CSMD1: variants seen among roughly 807,000 people sequenced by gnomAD.
The protein encoded by CSMD1 is CUB and Sushi multiple domains 1, also known as CUB and sushi domain-containing protein 1.
Under a neutral mutation model 417.5 loss-of-function variants are expected in CSMD1, and 213 were observed. The observed-to-expected ratio is 0.51, with a 90% CI of 0.46 to 0.57. The LOEUF (loss-of-function observed/expected upper bound fraction) is 0.57. CSMD1 is among the 20% of genes least tolerant of loss of function. CSMD1 has a pLI of 0.00. For synonymous variants in CSMD1, 2,862 were observed against 1,736.8 expected (o/e 1.65, Z -16.11); for missense variants, 6,923 against 4,529.7 (o/e 1.53, Z -15.17).
At chr8:4,861,322 C>CA (rs1200001338) in intron 1 of CSMD1, among the ~76,000 whole-genome samples, 2 of 152,084 alleles carry the variant, frequency 1.3e-5, no homozygotes, top group Non-Finnish European at 2.9e-5. Context: ...CCATATCAAA[C>CA]AAAAATGTGA....
intron 1 of CSMD1, among the ~76,000 whole-genome samples, chr8:4,662,759 G>T (rs759935234): frequency 6.6e-6 from 1 of 152,160 alleles, no homozygotes; most frequent in African/African-American, 2.4e-5. Context: ...CGTTCCTATG[G>T]ATGATGCTCA....
intron 3 of CSMD1, among the ~76,000 whole-genome samples, chr8:4,231,630 C>T (rs570754619): frequency 2.0e-5 from 3 of 152,292 alleles, no homozygotes; most frequent in Admixed American, 6.5e-5. Flanking sequence ...CAGATATCTT[C>T]TTTACTGCAG....
At chr8:3,302,719 C>G (rs1179104187) in intron 25 of CSMD1, among the ~76,000 whole-genome samples, 1 of 152,124 alleles carries the variant, frequency 6.6e-6, no homozygotes, top group Non-Finnish European at 1.5e-5. Flanking sequence ...GATGATGTGC[C>G]TCGTTATCCA....
intron 1 of CSMD1, among the ~76,000 whole-genome samples, chr8:4,695,140 A>ATACTCAT (rs2116785210): frequency 6.6e-6 from 1 of 152,206 alleles, no homozygotes; most frequent in Non-Finnish European, 1.5e-5. Context: ...GACTTATCAA[A>ATACTCAT]TACTCATTTT....
intron 4 of CSMD1, among the ~76,000 whole-genome samples, chr8:4,010,009 A>T (rs924010191): frequency 1.3e-5 from 2 of 152,054 alleles, no homozygotes; most frequent in African/African-American, 4.8e-5. Flanking sequence ...AATTCTTCCT[A>T]TGCTCCTGAA....
Position 2,998,168 on chromosome 8 carries a change from G to T in CSMD1, c.8220C>A (p.His2740Gln). Residue 2740 changes from histidine to glutamine, a missense_variant, in exon 54 of 70, where the codon CAC becomes CAA. Coordinates refer to ENST00000635120, the MANE Select transcript of CSMD1 (RefSeq NM_033225.6). ...TGAATCCGTGGGCAGGGTTTCCAGGGTGACCACATGTGATGGCTGTAGAGA... is the reference window on the plus strand; with the variant it reads ...TGAATCCGTGGGCAGGGTTTCCAGGTTGACCACATGTGATGGCTGTAGAGA... ...TPVCVPITCG[H>Q]PGNPAHGFTN... 1 of 1,613,924 alleles carries T rather than the reference G, an allele frequency of 6.2e-7. No homozygotes were observed. The highest frequency in any genetic ancestry group is 8.5e-7 in the Non-Finnish European group (1 of 1,179,844).
At chr8:3,939,205 A>C (rs1300581877) in intron 5 of CSMD1, among the ~76,000 whole-genome samples, 1 of 152,158 alleles carries the variant, frequency 6.6e-6, no homozygotes, top group Non-Finnish European at 1.5e-5. Flanking sequence ...CCCAACACAA[A>C]AGTAATTCAT....
chr8:3,757,612 C>T (rs1333058243), intron 5 of CSMD1, among the ~76,000 whole-genome samples: 2 of 152,072 alleles, frequency 1.3e-5, no homozygotes, highest in Non-Finnish European at 1.5e-5. Context: ...CCTGTAATCC[C>T]AGCACTTTGG....
At chr8:4,053,085 G>C (rs117647252) in intron 3 of CSMD1, among the ~76,000 whole-genome samples, 4 of 152,236 alleles carry the variant, frequency 2.6e-5, no homozygotes, top group Admixed American at 6.5e-5. Flanking sequence ...AGGATGATTG[G>C]AATAAGAAGG....
At chr8:3,258,715 G>A (rs566824352) in intron 26 of CSMD1, among the ~76,000 whole-genome samples, 2 of 152,264 alleles carry the variant, frequency 1.3e-5, no homozygotes, top group South Asian at 4.1e-4. Flanking sequence ...TGATAGACTG[G>A]ATAAAGAAAA....
intron 5 of CSMD1, among the ~76,000 whole-genome samples, chr8:3,948,195 C>A (rs1337982884): frequency 6.6e-6 from 1 of 152,058 alleles, no homozygotes; most frequent in East Asian, 1.9e-4. Flanking sequence ...CAGACCAAGA[C>A]TCCGTCTAAA....
intron 1 of CSMD1, among the ~76,000 whole-genome samples, chr8:4,915,732 G>C (rs1806020874): frequency 6.6e-6 from 1 of 152,234 alleles, no homozygotes; most frequent in Non-Finnish European, 1.5e-5. Flanking sequence ...CGGGTTTGGA[G>C]ACAGACATCC....
chr8:3,621,239 C>G (rs992964190), intron 7 of CSMD1, among the ~76,000 whole-genome samples: 3 of 152,032 alleles, frequency 2.0e-5, no homozygotes, highest in East Asian at 1.9e-4. Flanking sequence ...TGGCAGCCCT[C>G]GAAAATGAAT....
At chr8:3,005,097 C>G (rs1262180296) in intron 52 of CSMD1, among the ~76,000 whole-genome samples, 1 of 152,166 alleles carries the variant, frequency 6.6e-6, no homozygotes, top group Non-Finnish European at 1.5e-5. Flanking sequence ...CGAGATTGCA[C>G]CACTGCACTC....
intron 12 of CSMD1, among the ~76,000 whole-genome samples, chr8:3,410,167 C>A (rs537840363): frequency 9.9e-5 from 15 of 152,164 alleles, no homozygotes; most frequent in African/African-American, 3.6e-4. Context: ...ATAACATATG[C>A]GTCCAAATAC....
intron 28 of CSMD1, 65 bp downstream of exon 28, chr8:3,223,664 G>A: frequency 6.5e-7 from 1 of 1,542,450 alleles, no homozygotes; most frequent in Non-Finnish European, 8.9e-7. Flanking sequence ...GGTCATAAAA[G>A]AAGTAATTTT....
intron 4 of CSMD1, among the ~76,000 whole-genome samples, chr8:4,025,110 C>T (rs2912268): frequency 0.21 from 31,724 of 152,080 alleles, 4,158 homozygotes; most frequent in South Asian, 0.32. Context: ...AAGGGGACAC[C>T]GAAGGGGCTG....
intron 3 of CSMD1, among the ~76,000 whole-genome samples, chr8:4,328,912 G>A (rs763895992): frequency 4.6e-5 from 7 of 152,306 alleles, no homozygotes; most frequent in Middle Eastern, 6.8e-3. Flanking sequence ...TATTGGTAGT[G>A]TGTTGTTTGC....
chr8:4,098,699 AGC>A (rs1160984818), intron 3 of CSMD1, among the ~76,000 whole-genome samples: 3 of 152,226 alleles, frequency 2.0e-5, no homozygotes, highest in Non-Finnish European at 4.4e-5. Context: ...TCATCTCTGT[AGC>A]ACCTACTCTA....
Sources: allele counts gnomAD v4.1 joint callset (sites outside exome capture counted in the v4.1 genomes callset), GRCh38; gene constraint gnomAD v4.1.1; transcripts MANE v1.5; gene names NCBI Gene and HGNC (gene_info 2026-07-23, HGNC 2026-07-21).